The following HECTD4 variants were observed in gnomAD, a reference collection of about 807,000 sequenced individuals.
The protein encoded by HECTD4 is probable E3 ubiquitin-protein ligase HECTD4.
HECTD4 carries 114 observed loss-of-function variants against 471.5 expected under a neutral mutation model. That is an observed-to-expected ratio of 0.24 (90% CI 0.21 to 0.28). The LOEUF (loss-of-function observed/expected upper bound fraction) is 0.28, where lower values mean the gene tolerates loss of function less well. Among genes scored for constraint, HECTD4 ranks in the 10% least tolerant of loss-of-function variants. The pLI is 1.00. For missense variants in HECTD4, 3,866 were observed against 5,651.5 expected (o/e 0.68, Z 10.13); for synonymous variants, 2,012 against 2,256.0 (o/e 0.89, Z 3.07).
chr12:112,165,586 C>A (rs564855890), intron 72 of HECTD4, among the ~76,000 whole-genome samples: 6 of 152,016 alleles, frequency 3.9e-5, no homozygotes, highest in Admixed American at 3.3e-4. Flanking sequence ...CTCCTGACCT[C>A]GTGATCTGCC....
chr12:112,334,425 A>G (rs1289657282), intron 1 of HECTD4, among the ~76,000 whole-genome samples: 1 of 151,684 alleles, frequency 6.6e-6, no homozygotes. Context: ...AACATATGAA[A>G]AAATGCTCAA....
At position 112,270,239 on chromosome 12, in the gene HECTD4, G is replaced by A. The variant is rs1395922048; in HGVS notation, c.2163C>T (p.Leu721=). ...NGDTCIIRCI[L]VVFQVVFKFF... ...ACAGTGTATTTACCTGAAAGACAAC[G>A]AGAATGCAGCGTATAATACAGGTAT... is the stretch of plus-strand genomic sequence containing the variant. The change falls in exon 12 of 76, where the codon CTC becomes CTT. Residue 721 remains leucine, a synonymous_variant. Coordinates refer to ENST00000682272, the MANE Select transcript of HECTD4 (RefSeq NM_001388303.1). The A allele has an allele frequency of 4.3e-6, 7 of 1,612,190 alleles. No homozygotes were observed. The highest frequency in any genetic ancestry group is 5.9e-6 in the Non-Finnish European group (7 of 1,178,340).
intron 1 of HECTD4, among the ~76,000 whole-genome samples, chr12:112,359,100 C>T (rs1046642516): frequency 5.9e-5 from 9 of 151,458 alleles, no homozygotes; most frequent in African/African-American, 1.9e-4. Context: ...GGCGTGAATG[C>T]GGGAGGCAGA....
Position 112,177,376 on chromosome 12 carries a change from TA to T in HECTD4, c.11364-675del, listed in dbSNP as rs368536673. 1.0e-3 allele frequency among the ~76,000 whole-genome samples: 144 copies of T among 141,264 alleles called. 3 individuals carry two copies. The highest frequency in any genetic ancestry group is 2.6e-3 in the Admixed American group (37 of 14,226). The allele number at this position is 141,264 out of a possible 152,430, so 92.7% of individuals were successfully genotyped here. ...ATCCATACATGGAATGTTATGAGGC[TA>T]TTTTTTTTTTTTTTTTTTTTGAGAC... is the stretch of plus-strand genomic sequence containing the variant. On this transcript the variant is annotated intron_variant, in intron 64 of 75. Coordinates refer to ENST00000682272, the MANE Select transcript of HECTD4 (RefSeq NM_001388303.1).
intron 1 of HECTD4, among the ~76,000 whole-genome samples, chr12:112,373,435 T>TCACTTGAACC (rs2036721203): frequency 6.6e-6 from 1 of 151,690 alleles, no homozygotes; most frequent in South Asian, 2.1e-4. Flanking sequence ...GGCAGAAGAA[T>TCACTTGAACC]CACTTGAACC....
At position 112,381,627 on chromosome 12, in the gene HECTD4, C is replaced by G. The variant is rs2036891437; in HGVS notation, c.177+325G>C. 6.6e-6 allele frequency among the ~76,000 whole-genome samples: 1 copy of G among 151,994 alleles called. No homozygotes were observed. The highest frequency in any genetic ancestry group is 2.4e-5 in the African/African-American group (1 of 41,386). On this transcript the variant is annotated intron_variant, in intron 1 of 75. Transcript: ENST00000682272. This position sits in a 1 kb window ranked among gnomAD's most constrained non-coding sequence, Gnocchi z 4.1. ...CCCGTGGGGGAGGGGAGGGAGGGCC[C>G]GGGTGGTGGCGGTGGCTCCTCTGGG...
rs914082911 is a variant in HECTD4, at chr12:112,302,397, CT to C, written c.1335+3666del. 1.1e-5 allele frequency: 8 copies of C among 754,646 alleles called. No homozygotes were observed. In the African/African-American group the frequency reaches 1.4e-4, roughly 13 times the overall value. The allele number at this position is 754,646 out of a possible 1,614,324, so 46.7% of individuals were successfully genotyped here. Reference sequence around the variant, plus strand: ...TGGGCCAGCTTAAGCAGTTGAGTAACTGTTTGGCAGTTCAGGGCCTGGGTGA... The same window carrying C: ...TGGGCCAGCTTAAGCAGTTGAGTAACGTTTGGCAGTTCAGGGCCTGGGTGA... On this transcript the variant is annotated intron_variant, in intron 7 of 75. Transcript: ENST00000682272.
At chr12:112,226,619 G>A (rs2033247331) in intron 44 of HECTD4, 24 bp downstream of exon 44, 2 of 1,467,642 alleles carry the variant, frequency 1.4e-6, no homozygotes, top group East Asian at 4.6e-5. Context: ...AAAACAGGGT[G>A]GTAAGGCAAG....
Position 112,261,341 on chromosome 12 carries a change from G to A in HECTD4, c.2837C>T (p.Ala946Val). The change falls in exon 18 of 76, where the codon GCC becomes GTC. Residue 946 changes from alanine to valine, a missense_variant. Ala to Val is a moderately conservative substitution (Grantham distance 64). Around this residue, in one of 16 missense-constraint regions of HECTD4, gnomAD observed 525 missense variants for 672.6 expected, o/e 0.78. Coordinates refer to ENST00000682272, the MANE Select transcript of HECTD4 (RefSeq NM_001388303.1). ...VLEMLQQVTTALINSDIADRE... is the reference protein window; with the variant it reads ...VLEMLQQVTTVLINSDIADRE... ...GTCTGCTATGTCACTATTTATGAGG[G>A]CAGTTGTGACCTGCTGTAGCATTTC... 1 of 1,610,080 alleles carries A rather than the reference G, an allele frequency of 6.2e-7. No individual in the cohort carries two copies. The highest frequency in any genetic ancestry group is 8.5e-7 in the Non-Finnish European group (1 of 1,176,686).
In HECTD4 at chr12:112,167,433, G is replaced by A. The variant is rs748532118; in HGVS notation, c.12418C>T (p.Pro4140Ser). The part of the protein sequence containing the change: ...GIAIRADVPL[P>S]LDLLPSFWKT... ...CAGAAGGAGGGCAGGAGGTCCAGGG[G>A]CAGCGGGACGTCTGCCCGAATTGCA... Residue 4140 changes from proline (P) to serine (S), a missense_variant, in exon 72 of 76, where the codon CCC becomes TCC. Around this residue, in one of 16 missense-constraint regions of HECTD4, gnomAD observed 715 missense variants for 1,087.6 expected, o/e 0.66. Transcript: ENST00000682272. 8 of 1,613,620 alleles carry A rather than the reference G, an allele frequency of 5.0e-6. No individual in the cohort carries two copies. The highest frequency in any genetic ancestry group is 1.1e-5 in the South Asian group (1 of 91,074).
At chr12:112,248,989 A>G (rs1318040447) in intron 25 of HECTD4, among the ~76,000 whole-genome samples, 1 of 152,266 alleles carries the variant, frequency 6.6e-6, no homozygotes, top group Non-Finnish European at 1.5e-5. Flanking sequence ...TATGAATAGT[A>G]TAATGGCATT....
chr12:112,190,758 T>A, intron 60 of HECTD4, 28 bp downstream of exon 60: 1 of 1,536,566 alleles, frequency 6.5e-7, no homozygotes, highest in Non-Finnish European at 8.8e-7. Context: ...CCACCCTAGA[T>A]TCCGATCCCC....
At chr12:112,323,734 G>A (rs1594043605) in intron 1 of HECTD4, among the ~76,000 whole-genome samples, 1 of 151,716 alleles carries the variant, frequency 6.6e-6, no homozygotes. Flanking sequence ...TCCCAGTTGT[G>A]GTGGTGGTTA....
In HECTD4 at chr12:112,179,023, G is replaced by A. The variant is rs750014210; in HGVS notation, c.11271C>T (p.Ala3757=). 3.0e-5 allele frequency: 49 copies of A among 1,613,708 alleles called. No individual in the cohort carries two copies. Among genetic ancestry groups the A allele is most frequent in the Admixed American group, 2.2e-4 (13 of 59,956 alleles). ...CCTTCACGGGGTGCTGCTCCTTCCC[G>A]GCCTTGCTGTACTTGCTCTTGTCAA... The part of the protein sequence containing the change: ...PKFDKSKYSK[A]GKEQHPVKVV... Residue 3757 remains alanine (A), a synonymous_variant, in exon 64 of 76, where the codon GCC becomes GCT. Coordinates refer to ENST00000682272, the MANE Select transcript of HECTD4 (RefSeq NM_001388303.1). The surrounding 1 kb of genome is among the most constrained non-coding windows in gnomAD (Gnocchi z 4.3).
At position 112,218,576 on chromosome 12, in the gene HECTD4, T is replaced by C. The variant is rs182352367; in HGVS notation, c.7074+810A>G. 3.0e-4 allele frequency among the ~76,000 whole-genome samples: 46 copies of C among 152,374 alleles called. No individual in the cohort carries two copies. The East Asian group carries it at 8.5e-3, about 28-fold the overall frequency. On this transcript the variant is annotated intron_variant, in intron 45 of 75. Transcript: ENST00000682272. ...AAGTTCATTCATGTTGTAGCATATA[T>C]CAATACCTCATTCCTTTTTATGAAC...
At chr12:112,366,324 G>A (rs755328558) in intron 1 of HECTD4, among the ~76,000 whole-genome samples, 6 of 151,310 alleles carry the variant, frequency 4.0e-5, no homozygotes, top group East Asian at 2.0e-4. Context: ...CCTGGGCAAC[G>A]TAGTGAGACC....
chr12:112,168,195 A>T (rs2031059504), intron 70 of HECTD4, among the ~76,000 whole-genome samples: 1 of 152,150 alleles, frequency 6.6e-6, no homozygotes, highest in Non-Finnish European at 1.5e-5. Context: ...CCTACCCCGA[A>T]GGCCATTCGA....
At chr12:112,371,697 A>C (rs1436738825) in intron 1 of HECTD4, among the ~76,000 whole-genome samples, 1 of 151,750 alleles carries the variant, frequency 6.6e-6, no homozygotes, top group Non-Finnish European at 1.5e-5. Flanking sequence ...GACCAGCCTG[A>C]CCAACATGGA....
intron 1 of HECTD4, among the ~76,000 whole-genome samples, chr12:112,379,492 G>A (rs1211566933): frequency 2.6e-5 from 4 of 152,152 alleles, no homozygotes; most frequent in Non-Finnish European, 4.4e-5. Flanking sequence ...TCAGGAGTTC[G>A]AGACTTGCCT....
Sources: allele counts gnomAD v4.1 joint callset (sites outside exome capture counted in the v4.1 genomes callset), GRCh38; gene constraint gnomAD v4.1.1; regional missense constraint gnomAD v4.1.1; non-coding constraint Gnocchi (gnomAD v3.1); transcripts MANE v1.5; gene names NCBI Gene and HGNC (gene_info 2026-07-23, HGNC 2026-07-21).